The following SYT16 variants were observed in gnomAD, a reference collection of about 807,000 sequenced individuals.
SYT16 encodes synaptotagmin 16.
A neutral mutation model predicts 61.4 loss-of-function variants in SYT16; 42 were observed. That is an observed-to-expected ratio of 0.68 (90% CI 0.53 to 0.89). SYT16 has a LOEUF of 0.89. SYT16 is among the 40% of genes least tolerant of loss of function. SYT16 has a pLI of 0.00. For missense variants in SYT16, 804 were observed against 807.3 expected, an observed-to-expected ratio of 1.00 and a Z score of 0.05; for synonymous variants, 314 against 302.3, an observed-to-expected ratio of 1.04 and a Z score of -0.40.
In SYT16 at chr14:62,075,398, T is replaced by C; in HGVS notation, c.993+7T>C. On this transcript the variant is annotated splice_region_variant and intron_variant, in intron 5 of 7. Coordinates refer to ENST00000683842, the MANE Select transcript of SYT16 (RefSeq NM_001367656.1). ...CTCCATGTGGAGTCCAGAGGCAAGT[T>C]ATTTGTTTTTCATTCTTTCATTGGT... The C allele has an allele frequency of 6.3e-7, 1 of 1,590,440 alleles. No homozygotes were observed. Among genetic ancestry groups the C allele is most frequent in the Non-Finnish European group, 8.6e-7 (1 of 1,161,746 alleles).
At position 62,108,435 on chromosome 14, in the gene SYT16, A is replaced by G. The variant is rs2057549520; in HGVS notation, c.*7728A>G. ...TAAAAACTCTGATTAAGTGAGGAAC[A>G]TGTACATTAAAAGATATTTTCATGT... is the stretch of plus-strand genomic sequence containing the variant. On this transcript the variant is annotated 3_prime_UTR_variant, in exon 8 of 8. Transcript: ENST00000683842. The G allele has an allele frequency of 6.6e-6, 1 of 152,228 alleles. No homozygotes were observed. Among genetic ancestry groups the G allele is most frequent in the African/African-American group, 2.4e-5 (1 of 41,464 alleles). 9.4% of individuals were successfully genotyped at this position (152,228 alleles called of 1,614,324 possible). A position where few individuals can be genotyped will look rare whatever the true frequency, so the allele number is the denominator to read the frequency against.
intron 1 of SYT16, among the ~76,000 whole-genome samples, chr14:61,962,255 C>G (rs1209550118): frequency 1.3e-5 from 2 of 151,986 alleles, no homozygotes; most frequent in East Asian, 3.8e-4. Flanking sequence ...GCACATATAT[C>G]CCTGAACTTA....
intron 1 of SYT16, among the ~76,000 whole-genome samples, chr14:61,821,135 G>A (rs1169533870): frequency 6.9e-6 from 1 of 145,908 alleles, no homozygotes; most frequent in Non-Finnish European, 1.6e-5. Flanking sequence ...CCGCTGGGCT[G>A]CCTTCAACAG....
intron 1 of SYT16, among the ~76,000 whole-genome samples, chr14:61,953,296 G>A (rs1194090976): frequency 6.6e-6 from 1 of 152,146 alleles, no homozygotes; most frequent in African/African-American, 2.4e-5. Flanking sequence ...CCTCCTTTTT[G>A]TTGATTGCAA....
intron 3 of SYT16, among the ~76,000 whole-genome samples, chr14:62,062,194 G>T (rs1050843208): frequency 1.3e-5 from 2 of 152,194 alleles, no homozygotes; most frequent in African/African-American, 2.4e-5. Flanking sequence ...TGACAAAACA[G>T]ATGTTTGCAG....
At chr14:62,083,873 C>A (rs2056795254) in intron 6 of SYT16, among the ~76,000 whole-genome samples, 1 of 151,984 alleles carries the variant, frequency 6.6e-6, no homozygotes, top group South Asian at 2.1e-4. Flanking sequence ...GAATTTGAGT[C>A]TATATTGAAT....
At chr14:61,945,698 T>C (rs1336380004) in intron 1 of SYT16, among the ~76,000 whole-genome samples, 4 of 150,614 alleles carry the variant, frequency 2.7e-5, no homozygotes, top group Admixed American at 1.3e-4. Context: ...TACTAAAAAA[T>C]ACAAAAAATT....
intron 1 of SYT16, among the ~76,000 whole-genome samples, chr14:61,824,695 G>A (rs1341662075): frequency 1.3e-5 from 2 of 152,168 alleles, no homozygotes; most frequent in African/African-American, 4.8e-5. Context: ...CTGTTTATCT[G>A]CTGTGAGGCT....
rs529946340 is a variant in SYT16, at chr14:61,840,218, A to G, written c.-325+27408A>G. On this transcript the variant is annotated intron_variant, in intron 1 of 7. Coordinates refer to ENST00000683842, the MANE Select transcript of SYT16 (RefSeq NM_001367656.1). ...GCAGATTTGGAGGCCAAGATAATGA[A>G]TCATTTGGGGGCACATTTAAGAGCC... Among the ~76,000 whole-genome samples, 3 of 152,318 alleles carry G rather than the reference A, an allele frequency of 2.0e-5. No individual in the cohort carries two copies. The South Asian group carries it at 6.2e-4, about 32-fold the overall frequency.
intron 3 of SYT16, among the ~76,000 whole-genome samples, chr14:62,011,513 A>G (rs2053448502): frequency 6.6e-6 from 1 of 152,186 alleles, no homozygotes; most frequent in Non-Finnish European, 1.5e-5. Flanking sequence ...AGCCAGGGAA[A>G]TGTGATGTTC....
At chr14:61,825,635 G>T (rs1454825701) in intron 1 of SYT16, among the ~76,000 whole-genome samples, 1 of 152,182 alleles carries the variant, frequency 6.6e-6, no homozygotes, top group African/African-American at 2.4e-5. Context: ...AGTGAGCTGA[G>T]ATCATGCCAT....
chr14:61,979,193 A>T (rs554929613), intron 2 of SYT16, among the ~76,000 whole-genome samples: 5 of 152,346 alleles, frequency 3.3e-5, no homozygotes, highest in Admixed American at 3.3e-4. Flanking sequence ...ATAGGGATGT[A>T]GGAGTGGTCT....
chr14:62,109,017 T>G lies in SYT16; in HGVS notation c.*8310T>G, dbSNP rs1011597431. On this transcript the variant is annotated 3_prime_UTR_variant, in exon 8 of 8. Transcript: ENST00000683842. ...TATATTTGTTACAACTGATGAACCT[T>G]CATTGACATAACATTATCACCCAAA... The G allele has an allele frequency of 3.3e-5, 5 of 152,220 alleles. No homozygotes were observed. Among genetic ancestry groups the G allele is most frequent in the African/African-American group, 1.2e-4 (5 of 41,466 alleles). 9.4% of individuals were successfully genotyped at this position (152,220 alleles called of 1,614,324 possible). A position where few individuals can be genotyped will look rare whatever the true frequency, so the allele number is the denominator to read the frequency against.
At chr14:61,812,679 G>A (rs1447421723), upstream of SYT16, 1 of 146,556 alleles carries the variant, frequency 6.8e-6, no homozygotes, top group Non-Finnish European at 1.5e-5. Flanking sequence ...CGCGGCAGGA[G>A]GGGCTGTGCG....
chr14:61,850,140 CT>C (rs1207054064), intron 1 of SYT16, among the ~76,000 whole-genome samples: 47 of 144,698 alleles, frequency 3.2e-4, no homozygotes, highest in Admixed American at 2.8e-4. Context: ...TTTTCTTTTT[CT>C]TTTTTTTTTT....
At chr14:62,049,045 C>G (rs2055139764) in intron 3 of SYT16, among the ~76,000 whole-genome samples, 1 of 152,264 alleles carries the variant, frequency 6.6e-6, no homozygotes, top group South Asian at 2.1e-4. Context: ...AAATTTCTGT[C>G]TCGTTGATCT....
At chr14:61,853,242 A>G (rs1340833351) in intron 1 of SYT16, among the ~76,000 whole-genome samples, 1 of 152,206 alleles carries the variant, frequency 6.6e-6, no homozygotes. Context: ...CTTGTCCCAA[A>G]CAGACAGAGC....
chr14:61,816,422 T>C (rs1369102102), intron 1 of SYT16, among the ~76,000 whole-genome samples: 1 of 152,206 alleles, frequency 6.6e-6, no homozygotes, highest in African/African-American at 2.4e-5. Flanking sequence ...TGCTTCACTT[T>C]GGCTGAAAAT....
At chr14:61,857,640 G>A (rs2046817795) in intron 1 of SYT16, among the ~76,000 whole-genome samples, 2 of 152,136 alleles carry the variant, frequency 1.3e-5, no homozygotes, top group Admixed American at 1.3e-4. Context: ...GTGGGAGCAA[G>A]AGATTTTCTT....
Sources: gnomAD v4.1 joint callset for allele counts (sites outside exome capture counted in the v4.1 genomes callset) on GRCh38, gnomAD v4.1.1 for gene constraint, MANE v1.5 for transcripts, NCBI Gene and HGNC (gene_info 2026-07-23, HGNC 2026-07-21) for gene names.